The following LRRK2 variants were observed in gnomAD, a reference collection of about 807,000 sequenced individuals.
LRRK2 encodes the protein leucine rich repeat kinase 2, also known as leucine-rich repeat serine/threonine-protein kinase 2.
LRRK2 carries 203 observed loss-of-function variants against 302.6 expected under a neutral mutation model. The observed-to-expected ratio is 0.67, with a 90% CI of 0.60 to 0.75. The LOEUF (loss-of-function observed/expected upper bound fraction) is 0.75. Ranked by LOEUF, LRRK2 falls within the 30% of genes least tolerant of loss-of-function variation. LRRK2 has a pLI of 0.00. For synonymous variants in LRRK2, 1,066 were observed against 1,031.9 expected (o/e 1.03, Z -0.63); for missense variants, 2,830 against 2,951.0 (o/e 0.96, Z 0.95).
rs1399457906 is a variant in LRRK2, at chr12:40,269,442, T to C, written c.1657-5141T>C. On this transcript the variant is annotated intron_variant, in intron 14 of 50. Transcript: ENST00000298910. ...ATACTGTCTCAGGTACCATCGTACC[T>C]GCAGTGTTTGAGATAGTAGTTGCTC... 2.0e-5 allele frequency among the ~76,000 whole-genome samples: 3 copies of C among 152,160 alleles called. No homozygotes were observed. In the East Asian group the frequency reaches 5.8e-4, roughly 29 times the overall value.
At position 40,277,992 on chromosome 12, in the gene LRRK2, T is replaced by C. The variant is rs199987713; in HGVS notation, c.2046T>C (p.Asn682=). 3 of 1,613,774 alleles carry C rather than the reference T, an allele frequency of 1.9e-6. No homozygotes were observed. Among genetic ancestry groups the C allele is most frequent in the Non-Finnish European group, 2.5e-6 (3 of 1,179,934 alleles). ...DLVIFHQMSS[N]IMEQKDQQFL... Reference sequence around the variant, plus strand: ...TAATATTCCATCAAATGTCTTCCAATATCATGGAACAAAAGGATCAACAGG... The same window carrying C: ...TAATATTCCATCAAATGTCTTCCAACATCATGGAACAAAAGGATCAACAGG... Residue 682 remains asparagine (N), a synonymous_variant, in exon 17 of 51, where the codon AAT becomes AAC. Coordinates refer to ENST00000298910, the MANE Select transcript of LRRK2 (RefSeq NM_198578.4).
chr12:40,326,078 C>G (rs1358456119), intron 38 of LRRK2, among the ~76,000 whole-genome samples: 1 of 152,114 alleles, frequency 6.6e-6, no homozygotes, highest in Non-Finnish European at 1.5e-5. Flanking sequence ...TAGTCCTTAA[C>G]TTTATTTTTG....
chr12:40,326,844 G>C (rs1283855446), intron 38 of LRRK2, among the ~76,000 whole-genome samples: 1 of 152,116 alleles, frequency 6.6e-6, no homozygotes, highest in African/African-American at 2.4e-5. Context: ...TACCAAGACT[G>C]ATAAGATGCA....
intron 39 of LRRK2, among the ~76,000 whole-genome samples, chr12:40,330,652 G>C (rs1945686331): frequency 6.6e-6 from 1 of 151,996 alleles, no homozygotes; most frequent in Non-Finnish European, 1.5e-5. Context: ...TTAGGTGATG[G>C]GACATATGAT....
Position 40,295,793 on chromosome 12 carries a change from A to G in LRRK2, c.3096+149A>G, listed in dbSNP as rs1038033038. The G allele has an allele frequency of 4.4e-6, 3 of 687,532 alleles. No individual in the cohort carries two copies. The African/African-American group carries it at 5.4e-5, about 12-fold the overall frequency. 42.6% of individuals were successfully genotyped at this position (687,532 alleles called of 1,614,324 possible). ...CCGTGCCTCTGGTTTTTGCACACAT[A>G]TCTTAGTCTGTGTGATGTTCAGGAG... On this transcript the variant is annotated intron_variant, in intron 23 of 50. Coordinates refer to ENST00000298910, the MANE Select transcript of LRRK2 (RefSeq NM_198578.4).
intron 27 of LRRK2, chr12:40,304,664 T>C (rs1944752103): frequency 6.5e-6 from 1 of 153,776 alleles, no homozygotes; most frequent in Admixed American, 6.5e-5. Flanking sequence ...AAATTCTTTA[T>C]AGTACTAGCT....
At chr12:40,334,131 T>G (rs1945798596) in intron 39 of LRRK2, among the ~76,000 whole-genome samples, 1 of 152,210 alleles carries the variant, frequency 6.6e-6, no homozygotes, top group Non-Finnish European at 1.5e-5. Context: ...AAGCAGGTTT[T>G]ACCTCATATG....
At chr12:40,319,092 A>C (rs184742408) in intron 33 of LRRK2, among the ~76,000 whole-genome samples, 2 of 152,226 alleles carry the variant, frequency 1.3e-5, no homozygotes, top group South Asian at 2.1e-4. Flanking sequence ...AACATTATAG[A>C]TCTCCCAAAG....
intron 14 of LRRK2, 114 bp downstream of exon 14, chr12:40,264,015 G>A (rs1002856282): frequency 2.7e-6 from 2 of 741,392 alleles, no homozygotes; most frequent in African/African-American, 1.8e-5. Context: ...TATGATAGGA[G>A]GAAGTCATGT....
intron 5 of LRRK2, among the ~76,000 whole-genome samples, 187 bp downstream of exon 5, chr12:40,238,290 A>T (rs879013934): frequency 6.6e-6 from 1 of 152,094 alleles, no homozygotes; most frequent in Admixed American, 6.6e-5. Flanking sequence ...GGTGGGGTGA[A>T]TTTCATTCGT....
chr12:40,267,110 C>T (rs1046452032), intron 14 of LRRK2, among the ~76,000 whole-genome samples: 1 of 152,076 alleles, frequency 6.6e-6, no homozygotes, highest in Admixed American at 6.6e-5. Context: ...TTGTGCACAT[C>T]TACCCTAAAA....
At chr12:40,306,351 C>T (rs1368230881) in intron 28 of LRRK2, among the ~76,000 whole-genome samples, 1 of 152,182 alleles carries the variant, frequency 6.6e-6, no homozygotes, top group Non-Finnish European at 1.5e-5. Flanking sequence ...ATGCCTCTTA[C>T]ATCTTAAAGC....
chr12:40,340,210 G>A (rs1417111818), intron 40 of LRRK2, 84 bp from the exon 41 acceptor site: 4 of 1,373,754 alleles, frequency 2.9e-6, no homozygotes, highest in Admixed American at 1.8e-5. Context: ...TGACATAGTG[G>A]ACATTTATAT....
At chr12:40,355,401 A>G (rs1296437466) in intron 45 of LRRK2, among the ~76,000 whole-genome samples, 1 of 151,908 alleles carries the variant, frequency 6.6e-6, no homozygotes, top group East Asian at 1.9e-4. Context: ...AGGAAGTGGG[A>G]GCAGTTGTCA....
intron 14 of LRRK2, among the ~76,000 whole-genome samples, chr12:40,268,087 A>G (rs1331533727): frequency 4.6e-5 from 7 of 152,168 alleles, no homozygotes; most frequent in Non-Finnish European, 4.4e-5. Context: ...TAGAACAGCG[A>G]TGTTCCATTT....
intron 46 of LRRK2, among the ~76,000 whole-genome samples, chr12:40,358,161 A>T (rs1946598978): frequency 6.6e-6 from 1 of 151,210 alleles, no homozygotes. Flanking sequence ...GTTTGCAAAT[A>T]TTTCCTCACA....
chr12:40,313,725 T>A (rs1327857025), intron 31 of LRRK2, among the ~76,000 whole-genome samples: 1 of 151,912 alleles, frequency 6.6e-6, no homozygotes, highest in Non-Finnish European at 1.5e-5. Flanking sequence ...GCGAGATAAA[T>A]ATTTCCATAC....
chr12:40,310,877 G>C (rs1168809431), intron 31 of LRRK2, among the ~76,000 whole-genome samples: 1 of 152,102 alleles, frequency 6.6e-6, no homozygotes, highest in African/African-American at 2.4e-5. Flanking sequence ...GAGAAACTAA[G>C]AGACCGTTTC....
Position 40,243,583 on chromosome 12 carries a change from T to G in LRRK2, c.740T>G (p.Val247Gly), listed in dbSNP as rs773312233. 1 of 1,612,142 alleles carries G rather than the reference T, an allele frequency of 6.2e-7. No individual in the cohort carries two copies. Among genetic ancestry groups the G allele is most frequent in the Non-Finnish European group, 8.5e-7 (1 of 1,178,650 alleles). ...GTGGAAGTCCTCATGAGTGGCAATGTCAGGTGTTATAATATTGTGGTGGAA... is the reference window on the plus strand; with the variant it reads ...GTGGAAGTCCTCATGAGTGGCAATGGCAGGTGTTATAATATTGTGGTGGAA... ...NNVEVLMSGN[V>G]RCYNIVVEAM... The change falls in exon 7 of 51, where the codon GTC (valine) becomes GGC (glycine). Residue 247 changes from valine to glycine, a missense_variant. Transcript: ENST00000298910.
Sources: gnomAD v4.1 joint callset for allele counts (sites outside exome capture counted in the v4.1 genomes callset) on GRCh38, gnomAD v4.1.1 for gene constraint, MANE v1.5 for transcripts, NCBI Gene and HGNC (gene_info 2026-07-23, HGNC 2026-07-21) for gene names.